The following CPQ variants were observed in gnomAD, a reference collection of about 807,000 sequenced individuals.
CPQ encodes carboxypeptidase Q, also known as Ser-Met dipeptidase.
A neutral mutation model predicts 45.7 loss-of-function variants in CPQ; 37 were observed. That is an observed-to-expected ratio of 0.81 (90% confidence interval 0.62 to 1.07). The LOEUF (loss-of-function observed/expected upper bound fraction) is 1.07. Among genes scored for constraint, CPQ ranks in the 50% least tolerant of loss-of-function variants. CPQ has a pLI of 0.00. For synonymous variants in CPQ, 186 were observed against 205.8 expected (o/e 0.90, Z 0.82); for missense variants, 537 against 572.9 (o/e 0.94, Z 0.64).
At chr8:96,840,736 A>C (rs983907955) in intron 3 of CPQ, among the ~76,000 whole-genome samples, 1 of 152,220 alleles carries the variant, frequency 6.6e-6, no homozygotes, top group African/African-American at 2.4e-5. Context: ...CAGGAGGCAT[A>C]GTATGAGAAC....
chr8:96,847,745 A>G (rs1175232977), intron 3 of CPQ, among the ~76,000 whole-genome samples: 1 of 152,000 alleles, frequency 6.6e-6, no homozygotes, highest in Non-Finnish European at 1.5e-5. Flanking sequence ...CCTTCATCCC[A>G]TACATAATTG....
At chr8:97,116,378 A>C (rs917241058) in intron 7 of CPQ, among the ~76,000 whole-genome samples, 1 of 152,338 alleles carries the variant, frequency 6.6e-6, no homozygotes, top group Admixed American at 6.5e-5. Context: ...CTGTAATGGC[A>C]ACAGAATTCA....
intron 7 of CPQ, among the ~76,000 whole-genome samples, chr8:97,070,333 T>G (rs966296301): frequency 6.6e-6 from 1 of 152,182 alleles, no homozygotes; most frequent in African/African-American, 2.4e-5. Context: ...TATGATATTG[T>G]TCTTGGAACA....
intron 2 of CPQ, among the ~76,000 whole-genome samples, chr8:96,795,798 G>A (rs1586404165): frequency 6.6e-6 from 1 of 151,888 alleles, no homozygotes; most frequent in Admixed American, 6.6e-5. Flanking sequence ...GAAATTTTAT[G>A]TTTTTAATAA....
chr8:96,732,562 TA>T (rs1176703342), intron 1 of CPQ, among the ~76,000 whole-genome samples: 2 of 106,028 alleles, frequency 1.9e-5, no homozygotes, highest in African/African-American at 2.8e-5. Flanking sequence ...TTTTACTTTC[TA>T]TTTTTCTTTT....
At chr8:96,893,485 C>T (rs1187671382) in intron 4 of CPQ, among the ~76,000 whole-genome samples, 1 of 152,170 alleles carries the variant, frequency 6.6e-6, no homozygotes, top group African/African-American at 2.4e-5. Context: ...TCCTTGCTGG[C>T]CCAGTACTAA....
intron 1 of CPQ, among the ~76,000 whole-genome samples, chr8:96,709,298 C>T (rs1809577063): frequency 6.6e-6 from 1 of 152,020 alleles, no homozygotes; most frequent in Non-Finnish European, 1.5e-5. Context: ...AAGCTGTATG[C>T]CTTTGCATAC....
chr8:96,708,539 A>T (rs1809564452), intron 1 of CPQ, among the ~76,000 whole-genome samples: 1 of 151,926 alleles, frequency 6.6e-6, no homozygotes. Context: ...ATAGAAACTT[A>T]ATTTTAAAAG....
chr8:96,729,889 T>G (rs957457211), intron 1 of CPQ, among the ~76,000 whole-genome samples: 1 of 152,234 alleles, frequency 6.6e-6, no homozygotes, highest in East Asian at 1.9e-4. Context: ...GACATGGAGC[T>G]GTGGAAGAGA....
chr8:96,954,289 A>G (rs1563537638), intron 4 of CPQ, among the ~76,000 whole-genome samples: 1 of 152,032 alleles, frequency 6.6e-6, no homozygotes, highest in Non-Finnish European at 1.5e-5. Flanking sequence ...ACAGGTTGTG[A>G]TTATTCAACA....
At chr8:96,987,631 C>T (rs147089674) in intron 5 of CPQ, among the ~76,000 whole-genome samples, 177 of 152,290 alleles carry the variant, frequency 1.2e-3, no homozygotes, top group African/African-American at 4.2e-3. Context: ...CTTTGTTAAT[C>T]ATACAGCCTT....
chr8:96,667,707 T>C (rs1333428967), intron 1 of CPQ, among the ~76,000 whole-genome samples: 1 of 152,106 alleles, frequency 6.6e-6, no homozygotes, highest in African/African-American at 2.4e-5. Context: ...TTTGTTTCTA[T>C]CTTTATATCT....
intron 5 of CPQ, among the ~76,000 whole-genome samples, chr8:96,976,873 T>C (rs1360380621): frequency 6.6e-6 from 1 of 152,118 alleles, no homozygotes; most frequent in African/African-American, 2.4e-5. Context: ...AACTTAAATC[T>C]AAGACCTGAA....
intron 6 of CPQ, among the ~76,000 whole-genome samples, chr8:97,038,054 C>T (rs78562693): frequency 0.032 from 4,902 of 152,224 alleles, 100 homozygotes; most frequent in East Asian, 0.086. Context: ...ACCTTGCCTA[C>T]CATTCTGAGA....
At chr8:96,921,791 T>C (rs1812811132) in intron 4 of CPQ, among the ~76,000 whole-genome samples, 1 of 152,196 alleles carries the variant, frequency 6.6e-6, no homozygotes, top group African/African-American at 2.4e-5. Context: ...TGCCTCAAAA[T>C]AATATAGTAA....
intron 2 of CPQ, among the ~76,000 whole-genome samples, chr8:96,817,802 A>C (rs556059776): frequency 2.0e-5 from 3 of 151,966 alleles, no homozygotes; most frequent in East Asian, 3.9e-4. Context: ...TTTTGTGGAG[A>C]CAGGGTCTCA....
chr8:97,117,155 T>C (rs2130601419), intron 7 of CPQ, among the ~76,000 whole-genome samples: 1 of 152,340 alleles, frequency 6.6e-6, no homozygotes, highest in East Asian at 1.9e-4. Flanking sequence ...TTTTCATGTA[T>C]ATTTTTAGAC....
At chr8:96,964,750 T>C (rs1813526596) in intron 4 of CPQ, among the ~76,000 whole-genome samples, 1 of 152,176 alleles carries the variant, frequency 6.6e-6, no homozygotes. Context: ...GGCTTATAAT[T>C]TTTGTGTCCA....
At chr8:96,683,199 C>G (rs562588490) in intron 1 of CPQ, among the ~76,000 whole-genome samples, 4 of 152,174 alleles carry the variant, frequency 2.6e-5, no homozygotes, top group African/African-American at 9.6e-5. Flanking sequence ...TCCTGCAGGG[C>G]TGATCTAGTG....
Sources: allele counts gnomAD v4.1 joint callset (sites outside exome capture counted in the v4.1 genomes callset), GRCh38; gene constraint gnomAD v4.1.1; transcripts MANE v1.5; gene names NCBI Gene and HGNC (gene_info 2026-07-23, HGNC 2026-07-21).